Variants in SNRPN observed in about 807,000 individuals in gnomAD.
SNRPN encodes small nuclear ribonucleoprotein polypeptide N, also known as small nuclear ribonucleoprotein-associated protein N.
In SNRPN, 7 loss-of-function variants were observed where a neutral mutation model predicts 25.2. The observed-to-expected ratio is 0.28, with a 90% CI of 0.16 to 0.52. The LOEUF is 0.52. Ranked by LOEUF, SNRPN falls within the 20% of genes least tolerant of loss-of-function variation. SNRPN has a pLI of 0.96. For synonymous variants in SNRPN, 124 were observed against 110.6 expected, an observed-to-expected ratio of 1.12 and a Z score of -0.76; for missense variants, 196 against 322.5, an observed-to-expected ratio of 0.61 and a Z score of 3.00.
intron 2 of SNRPN, among the ~76,000 whole-genome samples, chr15:24,836,095 C>A (rs982082410): frequency 6.6e-6 from 1 of 152,046 alleles, no homozygotes; most frequent in East Asian, 1.9e-4. Context: ...TCTTTGTGAC[C>A]TCTCTACGTG....
At chr15:24,969,804 T>C (rs1250638237) in intron 3 of SNRPN, among the ~76,000 whole-genome samples, 1 of 152,196 alleles carries the variant, frequency 6.6e-6, no homozygotes, top group South Asian at 2.1e-4. Context: ...GAAGAAGGGT[T>C]GGTAATATAT....
At chr15:24,968,254 C>A in intron 3 of SNRPN, 172 bp downstream of exon 3, 1 of 521,526 alleles carries the variant, frequency 1.9e-6, no homozygotes, top group Non-Finnish European at 3.4e-6. Flanking sequence ...TCTGCCCTGA[C>A]ACTTTCGTCA....
chr15:24,947,962 T>TATA (rs1292409146), intron 3 of SNRPN, among the ~76,000 whole-genome samples: 3 of 151,942 alleles, frequency 2.0e-5, no homozygotes, highest in African/African-American at 7.2e-5. Flanking sequence ...TTATTATTAT[T>TATA]ATACTTTAAG....
chr15:24,963,412 C>T (rs923302241), intron 2 of SNRPN, among the ~76,000 whole-genome samples: 7 of 151,912 alleles, frequency 4.6e-5, no homozygotes, highest in African/African-American at 1.2e-4. Flanking sequence ...GTCAGGAGTT[C>T]GAGACCAGCC....
At chr15:24,873,243 A>G (rs1341419385) in intron 1 of SNRPN, among the ~76,000 whole-genome samples, 1 of 120,732 alleles carries the variant, frequency 8.3e-6, no homozygotes, top group Non-Finnish European at 1.8e-5. Flanking sequence ...GTGTTCAGGA[A>G]CCATACCTAG....
intron 1 of SNRPN, among the ~76,000 whole-genome samples, chr15:24,871,921 G>A (rs1009190184): frequency 8.4e-6 from 1 of 118,840 alleles, no homozygotes. Flanking sequence ...TAGCCAGGAT[G>A]GTCTCGATCT....
chr15:24,871,743 T>C lies in SNRPN; in HGVS notation c.-578-14773T>C, dbSNP rs937191931. On this transcript the variant is annotated intron_variant, in intron 1 of 11. Transcript: ENST00000400097. ...TTTTTGAGACAAAGTCTCGCTCTGT[T>C]GCCCAGGCTAGAGTGCAGTGGTGCA... Among the ~76,000 whole-genome samples the C allele has an allele frequency of 6.0e-5, 9 of 151,108 alleles. No homozygotes were observed. The South Asian group carries it at 1.9e-3, about 32-fold the overall frequency.
chr15:24,977,087 G>T, intron 7 of SNRPN, 58 bp downstream of exon 7: 2 of 1,416,482 alleles, frequency 1.4e-6, no homozygotes, highest in Non-Finnish European at 9.5e-7. Flanking sequence ...GCCGGAGGCC[G>T]AGGAGATTTA....
chr15:24,844,303 C>T (rs974044168), intron 2 of SNRPN, among the ~76,000 whole-genome samples: 1 of 152,080 alleles, frequency 6.6e-6, no homozygotes, highest in African/African-American at 2.4e-5. Flanking sequence ...TTAACTTGTT[C>T]GTCATCCATA....
intron 3 of SNRPN, among the ~76,000 whole-genome samples, chr15:24,927,520 C>CTTTTTTTTTTTTTTTTTTTTT (rs2060497188): frequency 6.8e-5 from 5 of 73,770 alleles, no homozygotes; most frequent in East Asian, 4.5e-4. Context: ...TTTTTTTTTA[C>CTTTTTTTTTTTTTTTTTTTTT]TTTTGACCAC....
At chr15:24,847,593 C>T (rs1307752571) in intron 2 of SNRPN, among the ~76,000 whole-genome samples, 2 of 152,114 alleles carry the variant, frequency 1.3e-5, no homozygotes, top group African/African-American at 2.4e-5. Context: ...GAGCCGAGAT[C>T]GCGCCACTGC....
chr15:24,887,511 T>TA (rs2057300447), intron 2 of SNRPN, among the ~76,000 whole-genome samples: 1 of 151,878 alleles, frequency 6.6e-6, no homozygotes, highest in Non-Finnish European at 1.5e-5. Flanking sequence ...CCATGTATTA[T>TA]AATAGGTTTG....
chr15:24,908,160 T>A (rs1489843886), intron 2 of SNRPN, among the ~76,000 whole-genome samples: 1 of 151,882 alleles, frequency 6.6e-6, no homozygotes, highest in Non-Finnish European at 1.5e-5. Flanking sequence ...TTGGACTTCC[T>A]GACTCCAGAA....
intron 4 of SNRPN, chr15:24,974,800 C>T (rs890301793): frequency 4.7e-6 from 3 of 638,852 alleles, no homozygotes; most frequent in Non-Finnish European, 8.4e-6. Context: ...CTCTGGTGAT[C>T]CACCCACCTC....
At chr15:24,964,956 C>G (rs2075394578) in intron 2 of SNRPN, among the ~76,000 whole-genome samples, 2 of 152,030 alleles carry the variant, frequency 1.3e-5, no homozygotes, top group Non-Finnish European at 2.9e-5. Context: ...ACTGCAGGGT[C>G]TTGAGTTGGG....
At chr15:24,867,116 C>T (rs1400767454) in intron 1 of SNRPN, among the ~76,000 whole-genome samples, 2 of 152,104 alleles carry the variant, frequency 1.3e-5, no homozygotes, top group Non-Finnish European at 2.9e-5. Context: ...CTTCAACATA[C>T]TGATTTCATT....
intron 3 of SNRPN, among the ~76,000 whole-genome samples, chr15:24,947,518 G>A (rs1027156193): frequency 3.3e-5 from 5 of 152,138 alleles, no homozygotes; most frequent in Non-Finnish European, 5.9e-5. Context: ...AGTCCCAGCT[G>A]CTTGGGAGGC....
At chr15:24,902,644 G>A (rs2151563458) in intron 2 of SNRPN, among the ~76,000 whole-genome samples, 1 of 152,248 alleles carries the variant, frequency 6.6e-6, no homozygotes, top group Non-Finnish European at 1.5e-5. Flanking sequence ...CCTTCTGGTG[G>A]GTTCGTGGTC....
chr15:24,855,807 A>G (rs1175958755), upstream of SNRPN, among the ~76,000 whole-genome samples: 1 of 147,888 alleles, frequency 6.8e-6, no homozygotes, highest in Non-Finnish European at 1.5e-5. Context: ...AAAAAAAAAA[A>G]AAAAAAAGGT....
Sources: gnomAD v4.1 joint callset for allele counts (sites outside exome capture counted in the v4.1 genomes callset) on GRCh38, gnomAD v4.1.1 for gene constraint, MANE v1.5 for transcripts, NCBI Gene and HGNC (gene_info 2026-07-23, HGNC 2026-07-21) for gene names.